TMEM143: variants seen among roughly 807,000 people sequenced by gnomAD.
The protein encoded by TMEM143 is transmembrane protein 143.
TMEM143 carries 45 observed loss-of-function variants against 40.3 expected under a neutral mutation model. The ratio of observed to expected loss-of-function variants is 1.12; its 90% CI spans 0.88 to 1.43. The LOEUF (loss-of-function observed/expected upper bound fraction) is 1.43. TMEM143 is among the 40% of genes most tolerant of loss of function. The pLI, the probability that TMEM143 is intolerant of heterozygous loss-of-function variation, is 0.00. For missense variants in TMEM143, 620 were observed against 613.4 expected (o/e 1.01, Z -0.11); for synonymous variants, 299 against 282.7 (o/e 1.06, Z -0.58).
intron 6 of TMEM143, among the ~76,000 whole-genome samples, chr19:48,334,422 CTTTCTT>C (rs1969300023): frequency 1.6e-4 from 5 of 30,462 alleles, no homozygotes; most frequent in South Asian, 1.2e-3. Context: ...TTCTCTCTTT[CTTTCTT>C]TCTTTCTTTC....
intron 6 of TMEM143, among the ~76,000 whole-genome samples, chr19:48,336,693 C>G (rs1969376650): frequency 6.6e-6 from 1 of 151,112 alleles, no homozygotes. Context: ...CAGAGTGACA[C>G]TGTGTCTCAA....
intron 3 of TMEM143, among the ~76,000 whole-genome samples, chr19:48,352,314 T>C (rs1249487990): frequency 6.7e-6 from 1 of 149,746 alleles, no homozygotes; most frequent in Non-Finnish European, 1.5e-5. Flanking sequence ...TTTATTTTTA[T>C]TTTTTTAGAG....
intron 5 of TMEM143, chr19:48,343,022 T>G: frequency 2.9e-6 from 2 of 697,270 alleles, no homozygotes; most frequent in South Asian, 4.0e-5. Flanking sequence ...ACGTGCAGAT[T>G]GTTTGTTGGA....
In TMEM143 at chr19:48,334,216, C is replaced by T; in HGVS notation, c.976-19G>A. 1 of 1,576,624 alleles carries T rather than the reference C, an allele frequency of 6.3e-7. No homozygotes were observed. Among genetic ancestry groups the T allele is most frequent in the Non-Finnish European group, 8.6e-7 (1 of 1,162,492 alleles). Reference sequence around the variant, plus strand: ...CGAACATCTGCAGGCGGGACAGCGCCCCGTGGGCTCAGTTCGGGGTGCGCC... The same window carrying T: ...CGAACATCTGCAGGCGGGACAGCGCTCCGTGGGCTCAGTTCGGGGTGCGCC... On this transcript the variant is annotated intron_variant, in intron 6 of 7. Transcript: ENST00000293261.
intron 5 of TMEM143, 182 bp from the exon 6 acceptor site, chr19:48,342,991 G>C (rs1169964556): frequency 2.6e-5 from 20 of 765,648 alleles, no homozygotes; most frequent in Non-Finnish European, 3.9e-5. Context: ...GTTCAATCGC[G>C]CCATCGATCC....
rs149818914 is a variant in TMEM143 at position 48,333,322 on chromosome 19, G to C, written c.1277C>G (p.Pro426Arg). 126 of 1,608,016 alleles carry C rather than the reference G, an allele frequency of 7.8e-5. No individual in the cohort carries two copies. The highest frequency in any genetic ancestry group is 3.3e-4 in the Middle Eastern group (2 of 6,034). Residue 426 changes from proline (P) to arginine (R), a missense_variant, in exon 8 of 8, where the codon CCC (proline) becomes CGC (arginine). By Grantham distance (103) the Pro-to-Arg change is moderately radical. Coordinates refer to ENST00000293261, the MANE Select transcript of TMEM143 (RefSeq NM_018273.4). The surrounding 1 kb of genome is among the most constrained non-coding windows in gnomAD (Gnocchi z 4.1). The part of the protein sequence containing the change: ...RALAHLQALT[P>R]SMGLYPPPGF... ...CGGGGGTGGGTACAATCCCATGCTGGGGGTCAGGGCCTGCAGATGCGCCAG... is the reference window on the plus strand; with the variant it reads ...CGGGGGTGGGTACAATCCCATGCTGCGGGTCAGGGCCTGCAGATGCGCCAG...
At chr19:48,355,896 G>A (rs906193716) in intron 3 of TMEM143, among the ~76,000 whole-genome samples, 1 of 152,188 alleles carries the variant, frequency 6.6e-6, no homozygotes, top group Admixed American at 6.5e-5. Flanking sequence ...CCTCGGAGGG[G>A]CTGGAGTCTC....
chr19:48,354,286 A>C lies in TMEM143; in HGVS notation c.369+5786T>G, dbSNP rs570266607. ...TTTCTTTTTTTTTTTTTTTTTTGAGACATAGTCTTGCTCTGTCACCCAGGC... is the reference window on the plus strand; with the variant it reads ...TTTCTTTTTTTTTTTTTTTTTTGAGCCATAGTCTTGCTCTGTCACCCAGGC... On this transcript the variant is annotated intron_variant, in intron 3 of 7. Coordinates refer to ENST00000293261, the MANE Select transcript of TMEM143 (RefSeq NM_018273.4). Among the ~76,000 whole-genome samples, 453 of 121,972 alleles carry C rather than the reference A, an allele frequency of 3.7e-3. 3 individuals are homozygous for C. The highest frequency in any genetic ancestry group is 0.014 in the African/African-American group (438 of 30,544). 80.0% of individuals were successfully genotyped at this position (121,972 alleles called of 152,430 possible).
chr19:48,354,485 G>A lies in TMEM143; in HGVS notation c.369+5587C>T, dbSNP rs537375323. Among the ~76,000 whole-genome samples the A allele has an allele frequency of 1.4e-4, 22 of 152,084 alleles. 1 individual carries two copies. Among genetic ancestry groups the A allele is most frequent in the African/African-American group, 3.4e-4 (14 of 41,478 alleles). On this transcript the variant is annotated intron_variant, in intron 3 of 7. Transcript: ENST00000293261. ...TCACCATGTTGGCCAAGCTGGTCTC[G>A]AACTCCTGACCTTAAGTGATCCGCC...
intron 3 of TMEM143, among the ~76,000 whole-genome samples, chr19:48,351,103 C>T (rs936231017): frequency 6.6e-6 from 1 of 151,882 alleles, no homozygotes; most frequent in African/African-American, 2.4e-5. Context: ...CACGGCTGGG[C>T]GTCTACTCAA....
At chr19:48,360,214 T>C (rs1327614069) in intron 2 of TMEM143, 38 bp from the exon 3 acceptor site, 5 of 1,586,642 alleles carry the variant, frequency 3.2e-6, no homozygotes, top group Non-Finnish European at 4.3e-6. Flanking sequence ...TGTAGGCCTT[T>C]TCCCCTTCCC....
intron 6 of TMEM143, among the ~76,000 whole-genome samples, chr19:48,338,306 G>C (rs1294402436): frequency 6.6e-6 from 1 of 152,120 alleles, no homozygotes; most frequent in East Asian, 1.9e-4. Context: ...TCCCCGTCCA[G>C]TTTGTCTGCA....
intron 6 of TMEM143, among the ~76,000 whole-genome samples, chr19:48,338,244 C>T (rs1400908735): frequency 2.0e-5 from 3 of 152,162 alleles, no homozygotes; most frequent in Non-Finnish European, 4.4e-5. Flanking sequence ...TCATCCTTGG[C>T]TCAGACTTTA....
chr19:48,333,351 C>T lies in TMEM143; in HGVS notation c.1248G>A (p.Arg416=), dbSNP rs1969262692. ...SGCEVTFNGT[R]ALAHLQALTP... ...TCAGGGCCTGCAGATGCGCCAGGGC[C>T]CGAGTTCCGTTGAAGGTCACCTCAC... Residue 416 remains arginine, a synonymous_variant, in exon 8 of 8, where the codon CGG becomes CGA. Transcript: ENST00000293261. This position sits in a 1 kb window ranked among gnomAD's most constrained non-coding sequence, Gnocchi z 4.1. 1.9e-6 allele frequency: 3 copies of T among 1,609,886 alleles called. No homozygotes were observed. Among genetic ancestry groups the T allele is most frequent in the Admixed American group, 1.7e-5 (1 of 59,816 alleles).
rs1969491851 is a variant in TMEM143, at chr19:48,341,769, AG to A, written c.975+760del. Among the ~76,000 whole-genome samples, 3 of 152,102 alleles carry A rather than the reference AG, an allele frequency of 2.0e-5. 1 individual carries two copies. In the South Asian group the frequency reaches 6.2e-4, roughly 32 times the overall value. ...AGAGAGTAGAGTCAGATTCAAATCC[AG>A]GAAGTCTGCTTCCAGAACACACCCC... is the stretch of plus-strand genomic sequence containing the variant. On this transcript the variant is annotated intron_variant, in intron 6 of 7. Coordinates refer to ENST00000293261, the MANE Select transcript of TMEM143 (RefSeq NM_018273.4).
intron 6 of TMEM143, among the ~76,000 whole-genome samples, chr19:48,335,111 A>G (rs1339744295): frequency 1.3e-5 from 2 of 152,218 alleles, no homozygotes; most frequent in Non-Finnish European, 2.9e-5. Flanking sequence ...AAATAAGTCT[A>G]GGTAGGATTT....
chr19:48,338,371 C>T (rs1969418302), intron 6 of TMEM143, among the ~76,000 whole-genome samples: 3 of 152,202 alleles, frequency 2.0e-5, no homozygotes, highest in South Asian at 2.1e-4. Flanking sequence ...CCCATGGCTC[C>T]CCAGTGCTCT....
At chr19:48,347,554 C>CTT (rs1309165553) in intron 3 of TMEM143, among the ~76,000 whole-genome samples, 112 of 128,408 alleles carry the variant, frequency 8.7e-4, no homozygotes, top group Non-Finnish European at 1.2e-3. Context: ...CTCTACAAAA[C>CTT]TTTTTTTTTT....
chr19:48,359,903 C>T (rs1272461608), intron 3 of TMEM143, 169 bp downstream of exon 3: 4 of 616,378 alleles, frequency 6.5e-6, no homozygotes, highest in East Asian at 5.8e-5. Context: ...TCCTTGTCTC[C>T]CCACTTGGAA....
Sources: gnomAD v4.1 joint callset for allele counts (sites outside exome capture counted in the v4.1 genomes callset) on GRCh38, gnomAD v4.1.1 for gene constraint, Gnocchi (gnomAD v3.1) non-coding constraint, MANE v1.5 for transcripts, NCBI Gene and HGNC (gene_info 2026-07-23, HGNC 2026-07-21) for gene names.